Variants in LMBRD2 observed in about 807,000 individuals in gnomAD.
LMBRD2 encodes the protein LMBR1 domain containing 2, also known as G protein-coupled receptor-associated protein LMBRD2.
A neutral mutation model predicts 94.4 loss-of-function variants in LMBRD2; 55 were observed. That is an observed-to-expected ratio of 0.58 (90% CI 0.47 to 0.73). LMBRD2 has a LOEUF of 0.73. Ranked by LOEUF, LMBRD2 falls within the 30% of genes least tolerant of loss-of-function variation. The probability of loss-of-function intolerance (pLI) is 0.00; values close to 1 mark genes in which losing one functional copy is unlikely to be tolerated. For synonymous variants in LMBRD2, 246 were observed against 272.4 expected, an observed-to-expected ratio of 0.90 and a Z score of 0.95; for missense variants, 640 against 831.9, an observed-to-expected ratio of 0.77 and a Z score of 2.84.
intron 6 of LMBRD2, 93 bp downstream of exon 6, chr5:36,136,216 T>C (rs1744265836): frequency 1.7e-6 from 2 of 1,153,886 alleles, no homozygotes; most frequent in Admixed American, 3.4e-5. Flanking sequence ...CTGAAGCCCA[T>C]CAATGCACTA....
chr5:36,121,333 G>A (rs779896179), intron 9 of LMBRD2, among the ~76,000 whole-genome samples: 12 of 152,166 alleles, frequency 7.9e-5, no homozygotes, highest in Non-Finnish European at 1.8e-4. Flanking sequence ...TGAGATATTT[G>A]TTATAGCCAT....
chr5:36,150,088 C>A (rs1395490359), intron 1 of LMBRD2, among the ~76,000 whole-genome samples: 1 of 151,964 alleles, frequency 6.6e-6, no homozygotes, highest in African/African-American at 2.4e-5. Context: ...TATATTAAGG[C>A]AATAGTCATG....
At chr5:36,127,706 G>GAGA (rs1561518295) in intron 6 of LMBRD2, among the ~76,000 whole-genome samples, 1 of 152,198 alleles carries the variant, frequency 6.6e-6, no homozygotes. Flanking sequence ...AGGAAAGTGT[G>GAGA]AGAAGGACTT....
intron 6 of LMBRD2, among the ~76,000 whole-genome samples, chr5:36,130,721 A>G (rs1478866861): frequency 4.6e-5 from 7 of 152,202 alleles, no homozygotes; most frequent in Admixed American, 1.3e-4. Flanking sequence ...ACTATATGCC[A>G]ATAAATTGGA....
At chr5:36,139,118 C>T (rs1041975051) in intron 4 of LMBRD2, among the ~76,000 whole-genome samples, 16 of 152,196 alleles carry the variant, frequency 1.1e-4, no homozygotes, top group Middle Eastern at 3.2e-3. Flanking sequence ...CCTGCACTTT[C>T]GGGGACCCAG....
intron 15 of LMBRD2, among the ~76,000 whole-genome samples, chr5:36,108,866 T>C (rs994444068): frequency 1.2e-4 from 18 of 152,174 alleles, no homozygotes; most frequent in African/African-American, 4.3e-4. Flanking sequence ...GAGATATTTT[T>C]GCTAACTTTG....
intron 17 of LMBRD2, among the ~76,000 whole-genome samples, chr5:36,104,598 G>A (rs1743420783): frequency 6.6e-6 from 1 of 151,926 alleles, no homozygotes; most frequent in Non-Finnish European, 1.5e-5. Flanking sequence ...GTGACTCTGG[G>A]CACTTTACTG....
At chr5:36,113,376 G>C (rs1743661834) in intron 13 of LMBRD2, among the ~76,000 whole-genome samples, 1 of 152,036 alleles carries the variant, frequency 6.6e-6, no homozygotes, top group Non-Finnish European at 1.5e-5. Context: ...TGCTCACTCG[G>C]GGATCTCGGT....
Position 36,101,934 on chromosome 5 carries a change from T to C in LMBRD2, c.*2112A>G, listed in dbSNP as rs919103393. The C allele has an allele frequency of 1.9e-4, 29 of 151,954 alleles. No homozygotes were observed. The highest frequency in any genetic ancestry group is 2.4e-4 in the Non-Finnish European group (16 of 67,856). The allele number at this position is 151,954 out of a possible 1,614,324, so 9.4% of individuals were successfully genotyped here. On this transcript the variant is annotated 3_prime_UTR_variant, in exon 18 of 18. Transcript: ENST00000296603. ...TATAAAAGTTAGTTATAAAAGTAAT[T>C]GGCTAATTTCTTTTCCTTTTCTGCT...
At chr5:36,133,336 G>A (rs539416947) in intron 6 of LMBRD2, among the ~76,000 whole-genome samples, 10 of 152,170 alleles carry the variant, frequency 6.6e-5, no homozygotes, top group African/African-American at 1.7e-4. Flanking sequence ...ACTTATTTAC[G>A]GGGCTGGGAG....
chr5:36,136,573 C>G (rs267758), intron 5 of LMBRD2, 54 bp from the exon 6 acceptor site: 1 of 1,478,812 alleles, frequency 6.8e-7, no homozygotes, highest in Admixed American at 1.7e-5. Flanking sequence ...AGATAAAATG[C>G]GACTGCATAA....
intron 10 of LMBRD2, 114 bp downstream of exon 10, chr5:36,117,621 C>T (rs1743788721): frequency 1.6e-6 from 1 of 637,330 alleles, no homozygotes; most frequent in Non-Finnish European, 2.5e-6. Context: ...TGAATAACAA[C>T]ACTGCAGAAA....
chr5:36,140,235 C>T (rs1391833524), intron 4 of LMBRD2, among the ~76,000 whole-genome samples: 1 of 152,232 alleles, frequency 6.6e-6, no homozygotes, highest in Non-Finnish European at 1.5e-5. Context: ...ATGCCTGGAG[C>T]TGCCCACCCT....
chr5:36,127,612 C>T (rs1168424505), intron 6 of LMBRD2, among the ~76,000 whole-genome samples: 1 of 152,212 alleles, frequency 6.6e-6, no homozygotes, highest in East Asian at 1.9e-4. Flanking sequence ...CTTGAATGAA[C>T]ACTGGAGGTA....
chr5:36,113,448 G>A lies in LMBRD2; in HGVS notation c.1640+976C>T, dbSNP rs148460410. On this transcript the variant is annotated intron_variant, in intron 13 of 17. Transcript: ENST00000296603. The stretch of plus-strand genomic sequence containing the variant: ...ATAAAGCCCTTTCCTTCTACAACTC[G>A]GTGTCTGAGGGGTTCTTGTCTGCGG... 1.8e-3 allele frequency among the ~76,000 whole-genome samples: 280 copies of A among 152,000 alleles called. 2 individuals carry two copies. The highest frequency in any genetic ancestry group is 3.0e-3 in the Non-Finnish European group (207 of 68,004).
In LMBRD2 at chr5:36,103,152, C is replaced by G. The variant is rs1743381513; in HGVS notation, c.*894G>C. ...ACCTTTGAATAACCAGTTTTTTTCTCAAAAAGTATAAGCAGGTACCTTTAA... is the reference window on the plus strand; with the variant it reads ...ACCTTTGAATAACCAGTTTTTTTCTGAAAAAGTATAAGCAGGTACCTTTAA... On this transcript the variant is annotated 3_prime_UTR_variant, in exon 18 of 18. Coordinates refer to ENST00000296603, the MANE Select transcript of LMBRD2 (RefSeq NM_001007527.2). 1 of 151,750 alleles carries G rather than the reference C, an allele frequency of 6.6e-6. No homozygotes were observed. Among genetic ancestry groups the G allele is most frequent in the African/African-American group, 2.4e-5 (1 of 41,300 alleles). 9.4% of individuals were successfully genotyped at this position (151,750 alleles called of 1,614,324 possible).
At chr5:36,113,484 T>C (rs1309547385) in intron 13 of LMBRD2, among the ~76,000 whole-genome samples, 2 of 152,106 alleles carry the variant, frequency 1.3e-5, no homozygotes. Flanking sequence ...CTCATCCTGC[T>C]ACAATTTGAA....
chr5:36,108,299 A>G (rs1743520361), intron 16 of LMBRD2, among the ~76,000 whole-genome samples: 1 of 152,190 alleles, frequency 6.6e-6, no homozygotes, highest in South Asian at 2.1e-4. Flanking sequence ...TAGGGTTAGT[A>G]TACTTAGAAC....
At chr5:36,138,184 C>T (rs1744315969) in intron 4 of LMBRD2, among the ~76,000 whole-genome samples, 1 of 152,074 alleles carries the variant, frequency 6.6e-6, no homozygotes, top group South Asian at 2.1e-4. Context: ...GAATCAAATG[C>T]CGCCAAGAGG....
Sources: allele counts gnomAD v4.1 joint callset (sites outside exome capture counted in the v4.1 genomes callset), GRCh38; gene constraint gnomAD v4.1.1; transcripts MANE v1.5; gene names NCBI Gene and HGNC (gene_info 2026-07-23, HGNC 2026-07-21).